The following POPDC1 variants were observed in gnomAD, a reference collection of about 807,000 sequenced individuals.
The protein encoded by POPDC1 is popeye domain cAMP effector 1, also known as popeye domain-containing protein 1.
the POPDC1 span, among the ~76,000 whole-genome samples, chr6:105,109,981 G>C: frequency 2.6e-5 from 4 of 151,722 alleles, no homozygotes; most frequent in Non-Finnish European, 4.4e-5. Context: ...TTGACTAACA[G>C]ACTAAAAATG....
At chr6:105,101,315 G>A in the POPDC1 span, 7 of 1,265,476 alleles carry the variant, frequency 5.5e-6, no homozygotes, top group Non-Finnish European at 7.3e-6. Flanking sequence ...AAAACTGTAG[G>A]AATCTATCAC....
chr6:105,117,150 C>T, the POPDC1 span, among the ~76,000 whole-genome samples: 144 of 152,150 alleles, frequency 9.5e-4, no homozygotes, highest in African/African-American at 3.3e-3. Flanking sequence ...GTATTGATAC[C>T]GCTGCTGGAG....
At chr6:105,106,204 G>GTT in the POPDC1 span, among the ~76,000 whole-genome samples, 4 of 152,158 alleles carry the variant, frequency 2.6e-5, no homozygotes, top group Non-Finnish European at 4.4e-5. Flanking sequence ...GTGTGAAACT[G>GTT]TTAAACAGTT....
At chr6:105,116,913 T>A in the POPDC1 span, 1 of 1,551,864 alleles carries the variant, frequency 6.4e-7, no homozygotes, top group Non-Finnish European at 8.8e-7. Flanking sequence ...CATCTATGTA[T>A]ATGAATTATG....
At chr6:105,137,006 C>G in the POPDC1 span, 1 of 152,242 alleles carries the variant, frequency 6.6e-6, no homozygotes, top group Non-Finnish European at 1.5e-5. Flanking sequence ...GCAGCGCCGA[C>G]CAAAGTTCGG....
At chr6:105,121,628 C>G in the POPDC1 span, among the ~76,000 whole-genome samples, 1 of 152,130 alleles carries the variant, frequency 6.6e-6, no homozygotes, top group Admixed American at 6.5e-5. Flanking sequence ...AACAGCAACT[C>G]TGGGCTATAA....
At chr6:105,118,544 TAAGA>T in the POPDC1 span, among the ~76,000 whole-genome samples, 1 of 152,172 alleles carries the variant, frequency 6.6e-6, no homozygotes, top group Non-Finnish European at 1.5e-5. Context: ...CAATGGTAAA[TAAGA>T]AAGACAAGAT....
chr6:105,133,470 G>T, the POPDC1 span: 1 of 1,613,894 alleles, frequency 6.2e-7, no homozygotes, highest in South Asian at 1.1e-5. Context: ...TCTCTCTCCA[G>T]TTTTCACAAG....
At chr6:105,111,056 A>G in the POPDC1 span, among the ~76,000 whole-genome samples, 1 of 152,210 alleles carries the variant, frequency 6.6e-6, no homozygotes, top group Non-Finnish European at 1.5e-5. Context: ...ACATCTCTCT[A>G]AAGATCTCAC....
At chr6:105,123,658 C>T in the POPDC1 span, among the ~76,000 whole-genome samples, 1 of 152,106 alleles carries the variant, frequency 6.6e-6, no homozygotes, top group East Asian at 1.9e-4. Context: ...CCTCAGCCTC[C>T]CAAAATTACA....
chr6:105,120,738 G>T, the POPDC1 span, among the ~76,000 whole-genome samples: 13 of 152,186 alleles, frequency 8.5e-5, no homozygotes, highest in Non-Finnish European at 1.6e-4. Context: ...TCCACCGTAG[G>T]AAACAAAGGT....
the POPDC1 span, among the ~76,000 whole-genome samples, chr6:105,113,515 C>G: frequency 6.6e-6 from 1 of 152,150 alleles, no homozygotes; most frequent in Non-Finnish European, 1.5e-5. Context: ...GGAAGTGGTA[C>G]TTGCTCCTTT....
At chr6:105,124,439 T>C in the POPDC1 span, 1 of 796,748 alleles carries the variant, frequency 1.3e-6, no homozygotes, top group Non-Finnish European at 2.1e-6. Flanking sequence ...CTATGGTAAC[T>C]TGTTTTTCCC....
At chr6:105,118,808 TC>T in the POPDC1 span, among the ~76,000 whole-genome samples, 1 of 152,104 alleles carries the variant, frequency 6.6e-6, no homozygotes, top group Non-Finnish European at 1.5e-5. Context: ...GTAATATTCT[TC>T]CCCATTTTTC....
chr6:105,131,131 GAC>G, the POPDC1 span, among the ~76,000 whole-genome samples: 1 of 152,056 alleles, frequency 6.6e-6, no homozygotes, highest in Non-Finnish European at 1.5e-5. Context: ...ATAAATCATT[GAC>G]ACACGCATAC....
chr6:105,103,458 A>G, the POPDC1 span, among the ~76,000 whole-genome samples: 1 of 152,042 alleles, frequency 6.6e-6, no homozygotes, highest in Non-Finnish European at 1.5e-5. Flanking sequence ...TGAGTGTGGC[A>G]AAATTGTCTT....
At chr6:105,100,185 T>C in the POPDC1 span, 1 of 151,986 alleles carries the variant, frequency 6.6e-6, no homozygotes, top group East Asian at 1.9e-4. Flanking sequence ...ACCAGTCAAA[T>C]CACACCTTTC....
chr6:105,123,767 C>T, the POPDC1 span, among the ~76,000 whole-genome samples: 1 of 152,194 alleles, frequency 6.6e-6, no homozygotes, highest in Non-Finnish European at 1.5e-5. Context: ...CGAAGAACTT[C>T]GTTCTTTCCC....
At chr6:105,119,483 A>G in the POPDC1 span, among the ~76,000 whole-genome samples, 1 of 152,156 alleles carries the variant, frequency 6.6e-6, no homozygotes, top group Admixed American at 6.5e-5. Flanking sequence ...AAGCAAACTG[A>G]CCCTGGGGAA....
Sources: allele counts gnomAD v4.1 joint callset (sites outside exome capture counted in the v4.1 genomes callset), GRCh38; gene constraint gnomAD v4.1.1; transcripts MANE v1.5; gene names NCBI Gene and HGNC (gene_info 2026-07-23, HGNC 2026-07-21).